The following KANK1 variants were observed in gnomAD, a reference collection of about 807,000 sequenced individuals.
The protein encoded by KANK1 is KN motif and ankyrin repeat domains 1, also known as KN motif and ankyrin repeat domain-containing protein 1.
Under a neutral mutation model 106.2 loss-of-function variants are expected in KANK1, and 109 were observed. The observed-to-expected ratio is 1.03, with a 90% CI of 0.88 to 1.20. The LOEUF is 1.20. Among genes scored for constraint, KANK1 ranks in the 50% most tolerant of loss-of-function variants. The pLI is 0.00. For missense variants in KANK1, 2,399 were observed against 1,710.7 expected, an observed-to-expected ratio of 1.40 and a Z score of -7.10; for synonymous variants, 873 against 652.2, an observed-to-expected ratio of 1.34 and a Z score of -5.16.
chr9:570,007 G>A (rs987635803), intron 1 of KANK1, among the ~76,000 whole-genome samples: 9 of 152,128 alleles, frequency 5.9e-5, no homozygotes, highest in Admixed American at 3.3e-4. Context: ...ACACAGTCTC[G>A]TATTAGGATT....
intron 1 of KANK1, among the ~76,000 whole-genome samples, chr9:651,389 C>T (rs1418916798): frequency 6.6e-6 from 1 of 152,148 alleles, no homozygotes; most frequent in Non-Finnish European, 1.5e-5. Context: ...TTAATTTCTG[C>T]TTCCATCATA....
intron 1 of KANK1, among the ~76,000 whole-genome samples, chr9:592,654 G>C (rs114551044): frequency 0.012 from 1,803 of 151,898 alleles, 92 homozygotes; most frequent in African/African-American, 0.042. Flanking sequence ...CCTTATTGTA[G>C]TTTTATGGTT....
intron 1 of KANK1, among the ~76,000 whole-genome samples, chr9:618,265 G>A (rs1832317188): frequency 6.6e-6 from 1 of 152,110 alleles, no homozygotes; most frequent in Admixed American, 6.5e-5. Flanking sequence ...CTAAAGTGCA[G>A]TGGCGTGATC....
At chr9:474,175 G>A (rs906312589) in intron 3 of KANK1, among the ~76,000 whole-genome samples, 1 of 152,196 alleles carries the variant, frequency 6.6e-6, no homozygotes, top group Non-Finnish European at 1.5e-5. Context: ...CTGCCTATCT[G>A]TCTGCCCATG....
At chr9:546,131 G>A (rs1052020389) in intron 1 of KANK1, among the ~76,000 whole-genome samples, 5 of 152,120 alleles carry the variant, frequency 3.3e-5, no homozygotes, top group Non-Finnish European at 5.9e-5. Flanking sequence ...CCGTGCATGG[G>A]ACTTCAGCTC....
chr9:590,002 G>A (rs1023500698), intron 1 of KANK1, among the ~76,000 whole-genome samples: 1 of 152,142 alleles, frequency 6.6e-6, no homozygotes, highest in Non-Finnish European at 1.5e-5. Context: ...TGTGAGCTCA[G>A]TGCTAGACAG....
chr9:482,246 C>T (rs1024095090), intron 3 of KANK1, among the ~76,000 whole-genome samples: 1 of 152,218 alleles, frequency 6.6e-6, no homozygotes, highest in Admixed American at 6.5e-5. Context: ...GATGCTGAAT[C>T]ACCCAAGCAA....
intron 2 of KANK1, among the ~76,000 whole-genome samples, chr9:684,008 G>A (rs1231914849): frequency 6.6e-6 from 1 of 152,080 alleles, no homozygotes; most frequent in Non-Finnish European, 1.5e-5. Context: ...TACAAATGGG[G>A]GACACCCTGG....
chr9:673,106 A>C, intron 1 of KANK1, among the ~76,000 whole-genome samples: 1 of 152,136 alleles, frequency 6.6e-6, no homozygotes, highest in East Asian at 1.9e-4. Flanking sequence ...GCCGCCTGTC[A>C]GCATGAATAA....
rs1209749120 is a variant in KANK1 at position 667,752 on chromosome 9, T to G, written c.-83-9138T>G. Among the ~76,000 whole-genome samples the G allele has an allele frequency of 2.9e-4, 44 of 151,356 alleles. 1 individual carries two copies. The highest frequency in any genetic ancestry group is 3.6e-4 in the African/African-American group (15 of 41,326). On this transcript the variant is annotated intron_variant, in intron 1 of 11. Coordinates refer to ENST00000382297, the MANE Select transcript of KANK1 (RefSeq NM_015158.5). ...TCCAAAGGTTTTTTTGTTTTGTTTT[T>G]TTTTTTGAGATGGAGTCTCCCTCTG... is the stretch of plus-strand genomic sequence containing the variant.
chr9:601,885 G>A (rs1827836633), intron 1 of KANK1, among the ~76,000 whole-genome samples: 1 of 151,778 alleles, frequency 6.6e-6, no homozygotes, highest in Non-Finnish European at 1.5e-5. Flanking sequence ...CTGGACAATG[G>A]TGTTTAGAAA....
chr9:550,402 G>A (rs1378773458), intron 1 of KANK1, among the ~76,000 whole-genome samples: 3 of 152,060 alleles, frequency 2.0e-5, no homozygotes, highest in Admixed American at 6.6e-5. Flanking sequence ...TGCAGATCTC[G>A]AACAGTATAT....
intron 8 of KANK1, among the ~76,000 whole-genome samples, chr9:739,810 T>G (rs1413807607): frequency 2.0e-5 from 3 of 152,040 alleles, no homozygotes; most frequent in Admixed American, 2.0e-4. Context: ...TCTGGCTCCA[T>G]AAGGTGTAGA....
intron 1 of KANK1, among the ~76,000 whole-genome samples, chr9:561,236 A>G (rs908257196): frequency 1.3e-5 from 2 of 152,194 alleles, no homozygotes; most frequent in African/African-American, 2.4e-5. Flanking sequence ...ATGTTTTTCT[A>G]TTTCAATCAA....
At chr9:685,134 A>G (rs1404987191) in intron 2 of KANK1, among the ~76,000 whole-genome samples, 1 of 152,192 alleles carries the variant, frequency 6.6e-6, no homozygotes. Context: ...AAGTATGCTC[A>G]TGTTTTACAG....
chr9:516,998 T>TACAC (rs148954863), intron 1 of KANK1, among the ~76,000 whole-genome samples: 6,449 of 145,534 alleles, frequency 0.044, 315 homozygotes, highest in African/African-American at 0.099. Context: ...CATCACCCTC[T>TACAC]ACACACACAC....
chr9:528,647 C>T (rs2059918214), intron 1 of KANK1, among the ~76,000 whole-genome samples: 1 of 151,684 alleles, frequency 6.6e-6, no homozygotes, highest in Non-Finnish European at 1.5e-5. Context: ...GCCACCATGC[C>T]CAGCTAATTT....
chr9:533,910 A>G (rs990808176), intron 1 of KANK1, among the ~76,000 whole-genome samples: 15 of 152,212 alleles, frequency 9.9e-5, no homozygotes, highest in African/African-American at 3.1e-4. Flanking sequence ...CACCAGGCAC[A>G]TTATCTTTTA....
chr9:634,490 G>T (rs868811072), intron 1 of KANK1, among the ~76,000 whole-genome samples: 1 of 152,116 alleles, frequency 6.6e-6, no homozygotes, highest in Admixed American at 6.5e-5. Flanking sequence ...CACAAACCTT[G>T]CAACCTCTGG....
Sources: gnomAD v4.1 joint callset for allele counts (sites outside exome capture counted in the v4.1 genomes callset) on GRCh38, gnomAD v4.1.1 for gene constraint, MANE v1.5 for transcripts, NCBI Gene and HGNC (gene_info 2026-07-23, HGNC 2026-07-21) for gene names.